The following PIBF1 variants were observed in gnomAD, a reference collection of about 807,000 sequenced individuals.
The protein encoded by PIBF1 is progesterone-induced-blocking factor 1.
A neutral mutation model predicts 112.5 loss-of-function variants in PIBF1; 90 were observed. The observed-to-expected ratio is 0.80, with a 90% CI of 0.67 to 0.95. The LOEUF is 0.95. Among genes scored for constraint, PIBF1 ranks in the 40% least tolerant of loss-of-function variants. The pLI is 0.00. For synonymous variants in PIBF1, 301 were observed against 288.6 expected (o/e 1.04, Z -0.44); for missense variants, 915 against 852.3 (o/e 1.07, Z -0.92).
intron 6 of PIBF1, among the ~76,000 whole-genome samples, 173 bp downstream of exon 6, chr13:72,822,155 G>C (rs990719057): frequency 2.0e-5 from 3 of 152,054 alleles, no homozygotes; most frequent in African/African-American, 7.2e-5. Flanking sequence ...TATATTGGTT[G>C]TTTTTGTTTT....
intron 14 of PIBF1, among the ~76,000 whole-genome samples, chr13:72,962,459 C>T (rs1216288571): frequency 1.3e-5 from 2 of 151,914 alleles, no homozygotes; most frequent in East Asian, 1.9e-4. Flanking sequence ...ATTAGCCGGG[C>T]ATGGTGGCTC....
intron 5 of PIBF1, among the ~76,000 whole-genome samples, chr13:72,815,967 T>G (rs2036252236): frequency 6.6e-6 from 1 of 152,224 alleles, no homozygotes; most frequent in South Asian, 2.1e-4. Flanking sequence ...AGATTCAAAT[T>G]TGTTTGGTTC....
intron 12 of PIBF1, among the ~76,000 whole-genome samples, chr13:72,909,044 CA>C (rs199506141): frequency 9.2e-5 from 13 of 140,694 alleles, no homozygotes; most frequent in Admixed American, 1.4e-4. Context: ...AATACTGTCT[CA>C]AAAAAAAAAG....
intron 5 of PIBF1, among the ~76,000 whole-genome samples, chr13:72,809,699 C>T (rs749761530): frequency 2.7e-5 from 4 of 148,398 alleles, no homozygotes; most frequent in Non-Finnish European, 5.9e-5. Context: ...AAGCAATTCT[C>T]CTGCCTCAGC....
At chr13:72,839,037 G>T (rs1238778056) in intron 9 of PIBF1, among the ~76,000 whole-genome samples, 2 of 152,160 alleles carry the variant, frequency 1.3e-5, no homozygotes, top group Non-Finnish European at 2.9e-5. Flanking sequence ...AAGACCTGTG[G>T]GGAACAATTG....
chr13:73,005,959 G>A (rs1028969514), intron 17 of PIBF1, among the ~76,000 whole-genome samples: 20 of 135,880 alleles, frequency 1.5e-4, no homozygotes, highest in Admixed American at 3.5e-4. Context: ...TTGCTCTGTC[G>A]CCCAGGCTGG....
intron 10 of PIBF1, among the ~76,000 whole-genome samples, chr13:72,870,919 A>G (rs890816760): frequency 1.3e-5 from 2 of 152,040 alleles, no homozygotes; most frequent in East Asian, 1.9e-4. Context: ...TTTTGGTAGA[A>G]TGTCAGAATA....
chr13:72,983,710 C>T (rs981557352), intron 16 of PIBF1, among the ~76,000 whole-genome samples: 1 of 152,182 alleles, frequency 6.6e-6, no homozygotes, highest in African/African-American at 2.4e-5. Flanking sequence ...AGGCAATCCA[C>T]TTCATAAGAA....
chr13:72,861,323 G>A (rs2087226760), intron 10 of PIBF1, among the ~76,000 whole-genome samples: 1 of 151,796 alleles, frequency 6.6e-6, no homozygotes, highest in African/African-American at 2.4e-5. Context: ...CATATATTAT[G>A]TATTTTAAAA....
At position 72,908,694 on chromosome 13, in the gene PIBF1, C is replaced by CCA; in HGVS notation, c.1639+22_1639+23dup. ...CAAACTGCAGAAAGTAAGTCTTCCC[C>CCA]CACACACACATGCACAACTTTTTTT... On this transcript the variant is annotated intron_variant, in intron 12 of 17. Coordinates refer to ENST00000326291, the MANE Select transcript of PIBF1 (RefSeq NM_006346.4). 1 of 1,600,542 alleles carries CCA rather than the reference C, an allele frequency of 6.2e-7. No homozygotes were observed. The highest frequency in any genetic ancestry group is 1.1e-5 in the South Asian group (1 of 88,116).
chr13:72,801,286 AT>A (rs368456233), intron 5 of PIBF1, among the ~76,000 whole-genome samples: 2,268 of 150,396 alleles, frequency 0.015, 62 homozygotes, highest in African/African-American at 0.052. Flanking sequence ...TTACACATAG[AT>A]TTTTTTTTTC....
chr13:73,007,298 T>C (rs1246281758), intron 17 of PIBF1, among the ~76,000 whole-genome samples: 2 of 143,440 alleles, frequency 1.4e-5, no homozygotes, highest in East Asian at 4.1e-4. Context: ...TTTTTGTTTT[T>C]GTTTTTTTTT....
chr13:72,937,021 T>C (rs1307238728), intron 14 of PIBF1, among the ~76,000 whole-genome samples: 1 of 152,200 alleles, frequency 6.6e-6, no homozygotes, highest in Non-Finnish European at 1.5e-5. Flanking sequence ...CATCTTTTAT[T>C]GTCAAACTTT....
intron 7 of PIBF1, 37 bp downstream of exon 7, chr13:72,827,155 A>G (rs1053874441): frequency 9.6e-7 from 1 of 1,046,978 alleles, no homozygotes; most frequent in South Asian, 1.9e-5. Flanking sequence ...ATTATATAGC[A>G]TAGTATTAGT....
At chr13:72,848,882 T>C (rs2038000558) in intron 9 of PIBF1, among the ~76,000 whole-genome samples, 3 of 151,968 alleles carry the variant, frequency 2.0e-5, no homozygotes, top group South Asian at 2.1e-4. Flanking sequence ...TTGAATGTTA[T>C]AATTTAAGTA....
At chr13:72,987,568 C>T (rs1189802241) in intron 16 of PIBF1, among the ~76,000 whole-genome samples, 11 of 151,744 alleles carry the variant, frequency 7.2e-5, no homozygotes, top group African/African-American at 2.7e-4. Context: ...CCAGAAAGGC[C>T]TTACTTAATT....
At chr13:72,984,119 G>A (rs2043218991) in intron 16 of PIBF1, among the ~76,000 whole-genome samples, 1 of 151,986 alleles carries the variant, frequency 6.6e-6, no homozygotes, top group Non-Finnish European at 1.5e-5. Flanking sequence ...GTGACTTCAG[G>A]TCTGAAGAAA....
chr13:72,878,484 A>G (rs1481105486), intron 10 of PIBF1, among the ~76,000 whole-genome samples: 2 of 152,138 alleles, frequency 1.3e-5, no homozygotes, highest in African/African-American at 2.4e-5. Context: ...TAATTACATT[A>G]TGGTTTGAGA....
At chr13:72,955,530 C>G (rs993923582) in intron 14 of PIBF1, among the ~76,000 whole-genome samples, 1 of 152,032 alleles carries the variant, frequency 6.6e-6, no homozygotes, top group Non-Finnish European at 1.5e-5. Context: ...GGTTGTTCCT[C>G]GAAAACTCAT....
Sources: allele counts gnomAD v4.1 joint callset (sites outside exome capture counted in the v4.1 genomes callset), GRCh38; gene constraint gnomAD v4.1.1; transcripts MANE v1.5; gene names NCBI Gene and HGNC (gene_info 2026-07-23, HGNC 2026-07-21).